The following TAP2 variants were observed in gnomAD, a reference collection of about 807,000 sequenced individuals.
TAP2 encodes antigen peptide transporter 2.
Under a neutral mutation model 74.7 loss-of-function variants are expected in TAP2, and 49 were observed. The ratio of observed to expected loss-of-function variants is 0.66; its 90% CI spans 0.52 to 0.83. The LOEUF is 0.83. Among genes scored for constraint, TAP2 ranks in the 40% least tolerant of loss-of-function variants. The pLI is 0.00. For missense variants in TAP2, 739 were observed against 859.0 expected (o/e 0.86, Z 1.75); for synonymous variants, 306 against 368.4 (o/e 0.83, Z 1.94).
intron 5 of TAP2, among the ~76,000 whole-genome samples, chr6:32,833,693 AT>A (rs1769235406): frequency 6.6e-6 from 1 of 152,148 alleles, no homozygotes; most frequent in Non-Finnish European, 1.5e-5. Context: ...GCTGGTGGGA[AT>A]TTAAAATGGT....
At position 32,825,788 on chromosome 6, in the gene TAP2, G is replaced by T; in HGVS notation, c.*3118C>A. The stretch of plus-strand genomic sequence containing the variant: ...ACTCTTTTGAGGAGTTTTATGCAAA[G>T]CTGGGCAAGTCCACCTCTTCCTTAG... On this transcript the variant is annotated 3_prime_UTR_variant, in exon 12 of 12. Transcript: ENST00000374897. 5.8e-6 allele frequency: 1 copy of T among 173,804 alleles called. No individual in the cohort carries two copies. The highest frequency in any genetic ancestry group is 1.1e-5 in the Non-Finnish European group (1 of 87,818). The allele number at this position is 173,804 out of a possible 1,614,324, so 10.8% of individuals were successfully genotyped here.
chr6:32,838,016 G>T lies in TAP2; in HGVS notation c.218C>A (p.Thr73Asn). Residue 73 changes from threonine (T) to asparagine (N), a missense_variant, in exon 2 of 12, where the codon ACC becomes AAC. Thr to Asn is a moderately conservative substitution (Grantham distance 65). Coordinates refer to ENST00000374897, the MANE Select transcript of TAP2 (RefSeq NM_001290043.2). Reference sequence around the variant, plus strand: ...GGCTCTCAGGGAGACAGTCAGGGGGGTGGCCAGACAGAGCGGGAGCAGCAG... The same window carrying T: ...GGCTCTCAGGGAGACAGTCAGGGGGTTGGCCAGACAGAGCGGGAGCAGCAG... ...GTLLLPLCLATPLTVSLRALV... is the reference protein window; with the variant it reads ...GTLLLPLCLANPLTVSLRALV... 1 of 1,612,528 alleles carries T rather than the reference G, an allele frequency of 6.2e-7. No homozygotes were observed. The highest frequency in any genetic ancestry group is 8.5e-7 in the Non-Finnish European group (1 of 1,179,844).
At position 32,832,516 on chromosome 6, in the gene TAP2, C is replaced by T. The variant is rs1381522969; in HGVS notation, c.1144-55G>A. 1 of 1,610,762 alleles carries T rather than the reference C, an allele frequency of 6.2e-7. No individual in the cohort carries two copies. Among genetic ancestry groups the T allele is most frequent in the Non-Finnish European group, 8.5e-7 (1 of 1,178,974 alleles). Reference sequence around the variant, plus strand: ...GGGAATCTTCCCATTCTTTCCCCCTCTCTGCCTCTATGAGACTGAGCTGCA... The same window carrying T: ...GGGAATCTTCCCATTCTTTCCCCCTTTCTGCCTCTATGAGACTGAGCTGCA... On this transcript the variant is annotated intron_variant, in intron 6 of 11. Coordinates refer to ENST00000374897, the MANE Select transcript of TAP2 (RefSeq NM_001290043.2). The surrounding 1 kb of genome is among the most constrained non-coding windows in gnomAD (Gnocchi z 5.9).
intron 11 of TAP2, 140 bp downstream of exon 11, chr6:32,829,260 C>T: frequency 2.7e-6 from 4 of 1,459,102 alleles, no homozygotes; most frequent in Non-Finnish European, 3.7e-6. Flanking sequence ...CCACCGGATT[C>T]CATTCCCCAA....
chr6:32,838,264 CATGG>C lies in TAP2; in HGVS notation c.-4-31_-4-28del, dbSNP rs777478409. On this transcript the variant is annotated intron_variant, in intron 1 of 11. Coordinates refer to ENST00000374897, the MANE Select transcript of TAP2 (RefSeq NM_001290043.2). ...TGTCAACGGATACGAGATGAGAAAT[CATGG>C]GGGTGGAGTCCCAATCCTTGTCCCT... The C allele has an allele frequency of 2.3e-4, 352 of 1,533,288 alleles. 1 individual carries two copies. Among genetic ancestry groups the C allele is most frequent in the South Asian group, 4.2e-4 (33 of 78,626 alleles). The allele number at this position is 1,533,288 out of a possible 1,614,324, so 95.0% of individuals were successfully genotyped here. A position where few individuals can be genotyped will look rare whatever the true frequency, so the allele number is the denominator to read the frequency against.
At chr6:32,836,572 C>T (rs1234133686) in intron 3 of TAP2, among the ~76,000 whole-genome samples, 2 of 152,168 alleles carry the variant, frequency 1.3e-5, no homozygotes, top group Non-Finnish European at 2.9e-5. Flanking sequence ...ATGTCATAGC[C>T]TACTGCACAC....
rs765798343 is a variant in TAP2 at position 32,829,036 on chromosome 6, TGAAG to T, written c.1933-6_1933-3del. On this transcript the variant is annotated splice_region_variant and splice_polypyrimidine_tract_variant and intron_variant, in intron 11 of 11. Transcript: ENST00000374897. ...CCCACGGGAATTCCAGTCCTGCAGC[TGAAG>T]GGGTGATCACAGTGCCTCAGAAAGA... 143 of 1,546,144 alleles carry T rather than the reference TGAAG, an allele frequency of 9.2e-5. No individual in the cohort carries two copies. The highest frequency in any genetic ancestry group is 1.2e-4 in the Non-Finnish European group (135 of 1,145,418).
At chr6:32,830,933 C>T (rs906052226) in intron 7 of TAP2, 127 bp from the exon 8 acceptor site, 4 of 915,156 alleles carry the variant, frequency 4.4e-6, no homozygotes, top group African/African-American at 3.3e-5. Context: ...AGATTCTCCA[C>T]TTTTAAATGT....
In TAP2 at chr6:32,827,677, A is replaced by G; in HGVS notation, c.*1229T>C. The G allele has an allele frequency of 1.1e-6, 1 of 914,688 alleles. No homozygotes were observed. The highest frequency in any genetic ancestry group is 1.3e-6 in the Non-Finnish European group (1 of 766,444). 56.7% of individuals were successfully genotyped at this position (914,688 alleles called of 1,614,324 possible). On this transcript the variant is annotated 3_prime_UTR_variant, in exon 12 of 12. Coordinates refer to ENST00000374897, the MANE Select transcript of TAP2 (RefSeq NM_001290043.2). ...GGCACAAAGGTGTTGGGGAAGGCAG[A>G]AGTTTGTCGTGGAGCTGGATACAAC...
chr6:32,826,731 T>G lies in TAP2; in HGVS notation c.*2175A>C. On this transcript the variant is annotated 3_prime_UTR_variant, in exon 12 of 12. Transcript: ENST00000374897. ...GATTAGCTGCGTGATTTCATGTCAGTTTCTCTGTAAAATTAGGTTTGACTG... is the reference window on the plus strand; with the variant it reads ...GATTAGCTGCGTGATTTCATGTCAGGTTCTCTGTAAAATTAGGTTTGACTG... 1 of 985,418 alleles carries G rather than the reference T, an allele frequency of 1.0e-6. No individual in the cohort carries two copies. The highest frequency in any genetic ancestry group is 1.2e-6 in the Non-Finnish European group (1 of 829,922). The allele number at this position is 985,418 out of a possible 1,614,324, so 61.0% of individuals were successfully genotyped here. A position where few individuals can be genotyped will look rare whatever the true frequency, so the allele number is the denominator to read the frequency against.
At chr6:32,825,125 G>A (rs1554230810), downstream of TAP2, among the ~76,000 whole-genome samples, 2 of 102,876 alleles carry the variant, frequency 1.9e-5, no homozygotes, top group South Asian at 6.9e-4. Flanking sequence ...CTGTCTGTTG[G>A]TTATATACAT....
Position 32,828,906 on chromosome 6 carries a change from C to T in TAP2, c.2061G>A (p.Ter687=), listed in dbSNP as rs1445727553. 5 of 1,544,486 alleles carry T rather than the reference C, an allele frequency of 3.2e-6. No individual in the cohort carries two copies. The highest frequency in any genetic ancestry group is 2.4e-5 in the South Asian group (2 of 83,292). The change falls in exon 12 of 12, where the codon TAG becomes TAA. Residue 687 remains the stop codon, a stop_retained_variant. Transcript: ENST00000374897. ...EGKLQKLAQL[*] ...GGCGGGAATAGAGGTCCTGTCCCTCCTAGAGCTGGGCAAGCTTCTGCAGCT... is the reference window on the plus strand; with the variant it reads ...GGCGGGAATAGAGGTCCTGTCCCTCTTAGAGCTGGGCAAGCTTCTGCAGCT...
rs942611607 is a variant in TAP2, at chr6:32,838,728, G to T, written c.-80C>A. ...GGTCCGCTCCGTCTCTCCCAACCTC[G>T]CTACCGGCTCTGGTCCGCCAGCTAC... is the stretch of plus-strand genomic sequence containing the variant. On this transcript the variant is annotated 5_prime_UTR_variant, in exon 1 of 12. Transcript: ENST00000374897. 1 of 155,556 alleles carries T rather than the reference G, an allele frequency of 6.4e-6. No individual in the cohort carries two copies. The highest frequency in any genetic ancestry group is 2.4e-5 in the African/African-American group (1 of 41,598). The allele number at this position is 155,556 out of a possible 1,614,324, so 9.6% of individuals were successfully genotyped here.
chr6:32,834,692 G>A (rs901654701), intron 5 of TAP2, among the ~76,000 whole-genome samples: 1 of 152,158 alleles, frequency 6.6e-6, no homozygotes, highest in South Asian at 2.1e-4. Context: ...AGAGAAGGTG[G>A]AGCTGACATT....
Position 32,832,410 on chromosome 6 carries a change from T to C in TAP2, c.1195A>G (p.Met399Val), listed in dbSNP as rs1302850102. Residue 399 changes from methionine (M) to valine (V), a missense_variant, in exon 7 of 12, where the codon ATG (methionine) becomes GTG (valine). Physicochemically the swap from Met to Val is conservative, Grantham distance 21. Coordinates refer to ENST00000374897, the MANE Select transcript of TAP2 (RefSeq NM_001290043.2). The surrounding 1 kb of genome is among the most constrained non-coding windows in gnomAD (Gnocchi z 5.9). ...MLMLSCGLQQ[M>V]QDGELTQGSL... Reference sequence around the variant, plus strand: ...CCCTGGGTGAGCTCCCCATCCTGCATCTGCTGCAGCCCACAGCTCAGCATC... The same window carrying C: ...CCCTGGGTGAGCTCCCCATCCTGCACCTGCTGCAGCCCACAGCTCAGCATC... 6.2e-7 allele frequency: 1 copy of C among 1,612,842 alleles called. No homozygotes were observed. Among genetic ancestry groups the C allele is most frequent in the Non-Finnish European group, 8.5e-7 (1 of 1,179,986 alleles).
rs1327104324 is a variant in TAP2 at position 32,830,449 on chromosome 6, C to T, written c.1462-9G>A. On this transcript the variant is annotated splice_polypyrimidine_tract_variant and intron_variant, in intron 8 of 11. Coordinates refer to ENST00000374897, the MANE Select transcript of TAP2 (RefSeq NM_001290043.2). ...AGGGTAAACGTCAGCCCCTAGAAAA[C>T]CAGAAAAAGAGTTAAGGGCCTGCCC... The T allele has an allele frequency of 5.0e-6, 8 of 1,610,902 alleles. No individual in the cohort carries two copies. Among genetic ancestry groups the T allele is most frequent in the African/African-American group, 1.3e-5 (1 of 74,798 alleles).
chr6:32,823,614 T>C (rs115225185), downstream of TAP2, among the ~76,000 whole-genome samples: 4,229 of 152,120 alleles, frequency 0.028, 88 homozygotes, highest in African/African-American at 0.05. Context: ...CTTTTGCATA[T>C]TGCAAATAAT....
Position 32,830,154 on chromosome 6 carries a change from T to A in TAP2, c.1636-65A>T, listed in dbSNP as rs978856762. ...CCCCAAGGCAGGGGCCCTTTTGTCC[T>A]CCCCACCTACCTCCCTCAGAATGAA... On this transcript the variant is annotated intron_variant, in intron 9 of 11. Transcript: ENST00000374897. 23 of 1,612,302 alleles carry A rather than the reference T, an allele frequency of 1.4e-5. No homozygotes were observed. In the Admixed American group the frequency reaches 3.8e-4, roughly 27 times the overall value.
chr6:32,827,317 T>C lies in TAP2; in HGVS notation c.*1589A>G, dbSNP rs73738930. Reference sequence around the variant, plus strand: ...GGGAGGATTAAGATTAGTACGATGGTGGAGATATTTATTCATTTATTCAAT... The same window carrying C: ...GGGAGGATTAAGATTAGTACGATGGCGGAGATATTTATTCATTTATTCAAT... On this transcript the variant is annotated 3_prime_UTR_variant, in exon 12 of 12. Coordinates refer to ENST00000374897, the MANE Select transcript of TAP2 (RefSeq NM_001290043.2). 2,345 of 985,246 alleles carry C rather than the reference T, an allele frequency of 2.4e-3. 25 individuals carry two copies. In the African/African-American group the frequency reaches 0.033, roughly 14 times the overall value. 61.0% of individuals were successfully genotyped at this position (985,246 alleles called of 1,614,324 possible).
Sources: allele counts gnomAD v4.1 joint callset (sites outside exome capture counted in the v4.1 genomes callset), GRCh38; gene constraint gnomAD v4.1.1; non-coding constraint Gnocchi (gnomAD v3.1); transcripts MANE v1.5; gene names NCBI Gene and HGNC (gene_info 2026-07-23, HGNC 2026-07-21).